GJC1: variants seen among roughly 807,000 people sequenced by gnomAD.
GJC1 encodes the protein gap junction gamma-1 protein.
In GJC1, 5 loss-of-function variants were observed where a neutral mutation model predicts 29.3. The ratio of observed to expected loss-of-function variants is 0.17; its 90% confidence interval spans 0.09 to 0.36. The LOEUF is 0.36. Among genes scored for constraint, GJC1 ranks in the 10% least tolerant of loss-of-function variants. The probability of loss-of-function intolerance (pLI) is 1.00; values close to 1 mark genes in which losing one functional copy is unlikely to be tolerated. For missense variants in GJC1, 310 were observed against 496.2 expected (o/e 0.62, Z 3.56); for synonymous variants, 177 against 183.3 (o/e 0.97, Z 0.28).
At chr17:44,818,398 A>G (rs1188905602) in intron 1 of GJC1, among the ~76,000 whole-genome samples, 1 of 152,112 alleles carries the variant, frequency 6.6e-6, no homozygotes, top group East Asian at 1.9e-4. Flanking sequence ...TTATTTATTT[A>G]AGGAGGACAA....
At chr17:44,817,206 C>CA (rs994025106) in intron 1 of GJC1, among the ~76,000 whole-genome samples, 50 of 151,118 alleles carry the variant, frequency 3.3e-4, no homozygotes, top group African/African-American at 1.0e-3. Flanking sequence ...AAGTCTGTCT[C>CA]AAAAAAAACC....
rs750100569 is a variant in GJC1, at chr17:44,803,334, T to A, written c.*1293A>T. 1 of 152,098 alleles carries A rather than the reference T, an allele frequency of 6.6e-6. No individual in the cohort carries two copies. Among genetic ancestry groups the A allele is most frequent in the Non-Finnish European group, 1.5e-5 (1 of 68,008 alleles). The allele number at this position is 152,098 out of a possible 1,614,324, so 9.4% of individuals were successfully genotyped here. A position where few individuals can be genotyped will look rare whatever the true frequency, so the allele number is the denominator to read the frequency against. ...GATGAGAAAGCAAAGCTCTCCAACATAAGGCTGAAAATGACAATAAAAGAC... is the reference window on the plus strand; with the variant it reads ...GATGAGAAAGCAAAGCTCTCCAACAAAAGGCTGAAAATGACAATAAAAGAC... On this transcript the variant is annotated 3_prime_UTR_variant, in exon 3 of 3. Transcript: ENST00000592524.
rs760392753 is a variant in GJC1 at position 44,805,488 on chromosome 17, C to T, written c.330G>A (p.Lys110=). 7 of 1,614,064 alleles carry T rather than the reference C, an allele frequency of 4.3e-6. No homozygotes were observed. The highest frequency in any genetic ancestry group is 5.9e-6 in the Non-Finnish European group (7 of 1,180,052). ...TTGCATAGGGCTTGCTCCGAGCTGC[C>T]TTCTTGTCTGCTTCACCGTGCTCCA... ...AKMEHGEADK[K]AARSKPYAMR... Residue 110 remains lysine (K), a synonymous_variant, in exon 3 of 3, where the codon AAG becomes AAA. Transcript: ENST00000592524. The surrounding 1 kb of genome is among the most constrained non-coding windows in gnomAD (Gnocchi z 5.1).
Position 44,813,758 on chromosome 17 carries a change from G to A in GJC1, c.-96-6289C>T, listed in dbSNP as rs538211906. On this transcript the variant is annotated intron_variant, in intron 1 of 2. Transcript: ENST00000592524. ...TCTGCTCACCTCGGCCTCCCAAAGT[G>A]CTAAGATTACAGGCGTGAGTCACCA... 2.6e-5 allele frequency among the ~76,000 whole-genome samples: 4 copies of A among 152,184 alleles called. No homozygotes were observed. In the South Asian group the frequency reaches 8.3e-4, roughly 32 times the overall value.
chr17:44,795,537 A>C (rs2049778176), downstream of GJC1, among the ~76,000 whole-genome samples: 1 of 152,208 alleles, frequency 6.6e-6, no homozygotes, highest in Non-Finnish European at 1.5e-5. Context: ...CCGGCCACTA[A>C]ATCCATTATT....
upstream of GJC1, among the ~76,000 whole-genome samples, chr17:44,831,027 C>T (rs186417924): frequency 2.0e-4 from 30 of 152,260 alleles, no homozygotes; most frequent in African/African-American, 7.2e-4. Context: ...AAGGAAGGCT[C>T]AGTAAAGAGA....
chr17:44,812,651 CT>C (rs1009889819), intron 1 of GJC1, among the ~76,000 whole-genome samples: 93 of 145,614 alleles, frequency 6.4e-4, no homozygotes, highest in Middle Eastern at 3.7e-3. Flanking sequence ...TAAAAATGAA[CT>C]TTTTTTTTTT....
In GJC1 at chr17:44,821,728, AC is replaced by A. The variant is rs2050110670; in HGVS notation, c.-97+8333del. 1.7e-3 allele frequency among the ~76,000 whole-genome samples: 235 copies of A among 138,118 alleles called. 8 individuals carry two copies. The highest frequency in any genetic ancestry group is 5.2e-3 in the African/African-American group (187 of 35,732). The allele number at this position is 138,118 out of a possible 152,430, so 90.6% of individuals were successfully genotyped here. On this transcript the variant is annotated intron_variant, in intron 1 of 2. Coordinates refer to ENST00000592524, the MANE Select transcript of GJC1 (RefSeq NM_005497.4). ...AAAAAAAAAAAAAAAAAAAAAAACA[AC>A]AAAAAAACACCAACACCCATACCAT...
At chr17:44,811,082 T>A (rs2145320900) in intron 1 of GJC1, among the ~76,000 whole-genome samples, 2 of 151,822 alleles carry the variant, frequency 1.3e-5, no homozygotes, top group East Asian at 3.9e-4. Flanking sequence ...ATAATTTCTT[T>A]CTTTTTTTTT....
At chr17:44,820,146 G>A (rs958784952) in intron 1 of GJC1, among the ~76,000 whole-genome samples, 2 of 152,014 alleles carry the variant, frequency 1.3e-5, no homozygotes, top group Admixed American at 1.3e-4. Context: ...ATTTTTAGTA[G>A]AAACAGGGTT....
At chr17:44,823,716 C>CTTT (rs138768045) in intron 1 of GJC1, among the ~76,000 whole-genome samples, 1 of 143,222 alleles carries the variant, frequency 7.0e-6, no homozygotes. Context: ...CTTTCCTTTC[C>CTTT]TTTTTTTTTT....
Position 44,802,437 on chromosome 17 carries a change from GC to G in GJC1, c.*2189del, listed in dbSNP as rs1282799335. 1 of 152,162 alleles carries G rather than the reference GC, an allele frequency of 6.6e-6. No homozygotes were observed. Among genetic ancestry groups the G allele is most frequent in the Non-Finnish European group, 1.5e-5 (1 of 68,028 alleles). The allele number at this position is 152,162 out of a possible 1,614,324, so 9.4% of individuals were successfully genotyped here. A position where few individuals can be genotyped will look rare whatever the true frequency, so the allele number is the denominator to read the frequency against. On this transcript the variant is annotated 3_prime_UTR_variant, in exon 3 of 3. Transcript: ENST00000592524. ...AATTAACTGGTAGTTCTTTATCTTA[GC>G]TAGGCTTATGTATTCCAAATTTTGC... is the stretch of plus-strand genomic sequence containing the variant.
At chr17:44,806,777 T>C (rs2049918689) in intron 2 of GJC1, among the ~76,000 whole-genome samples, 1 of 152,034 alleles carries the variant, frequency 6.6e-6, no homozygotes, top group African/African-American at 2.4e-5. Flanking sequence ...GGTATAGTTA[T>C]TCGGTCCAAT....
intron 1 of GJC1, among the ~76,000 whole-genome samples, chr17:44,818,508 TAAAA>T (rs11335815): frequency 1.4e-5 from 2 of 144,204 alleles, no homozygotes; most frequent in Non-Finnish European, 1.5e-5. Context: ...AGTCTCATGT[TAAAA>T]AAAAAAAAAA....
chr17:44,809,759 G>A (rs2049952873), intron 1 of GJC1, among the ~76,000 whole-genome samples: 2 of 151,754 alleles, frequency 1.3e-5, no homozygotes, highest in Non-Finnish European at 2.9e-5. Context: ...TAGTAGAGAC[G>A]GGGTTTCTCC....
chr17:44,811,904 G>A (rs1290039552), intron 1 of GJC1, among the ~76,000 whole-genome samples: 1 of 152,002 alleles, frequency 6.6e-6, no homozygotes, highest in Non-Finnish European at 1.5e-5. Context: ...TTGGGAGGCT[G>A]AGGCAGGAGA....
Position 44,804,484 on chromosome 17 carries a change from CCA to C in GJC1, c.*141_*142del. On this transcript the variant is annotated 3_prime_UTR_variant, in exon 3 of 3. Coordinates refer to ENST00000592524, the MANE Select transcript of GJC1 (RefSeq NM_005497.4). ...TCTCTCCCTCAGCCCAGCCCCGCCTCCAGAGTCCCCTGAGCTTGGATCATGAG... is the reference window on the plus strand; with the variant it reads ...TCTCTCCCTCAGCCCAGCCCCGCCTCGAGTCCCCTGAGCTTGGATCATGAG... 1.5e-6 allele frequency: 1 copy of C among 666,538 alleles called. No homozygotes were observed. The highest frequency in any genetic ancestry group is 2.6e-6 in the Non-Finnish European group (1 of 387,648). The allele number at this position is 666,538 out of a possible 1,614,324, so 41.3% of individuals were successfully genotyped here.
At chr17:44,798,390 C>G (rs1348308930), downstream of GJC1, 3 of 152,108 alleles carry the variant, frequency 2.0e-5, no homozygotes, top group Non-Finnish European at 4.4e-5. Flanking sequence ...TATGACATTA[C>G]CTGGCAGCTG....
chr17:44,805,116 T>G lies in GJC1; in HGVS notation c.702A>C (p.Ile234=). The G allele has an allele frequency of 6.2e-7, 1 of 1,614,034 alleles. No homozygotes were observed. Among genetic ancestry groups the G allele is most frequent in the Non-Finnish European group, 8.5e-7 (1 of 1,179,932 alleles). ...RPTEKTIFLL[I]MYGVTGLCLL... ...GGCAAAGGCCTGTAACACCATACAT[T>G]ATCAGAAGGAAGATGGTCTTTTCAG... Residue 234 remains isoleucine (I), a synonymous_variant, in exon 3 of 3, where the codon ATA becomes ATC. Coordinates refer to ENST00000592524, the MANE Select transcript of GJC1 (RefSeq NM_005497.4). This position sits in a 1 kb window ranked among gnomAD's most constrained non-coding sequence, Gnocchi z 5.1.
Sources: gnomAD v4.1 joint callset for allele counts (sites outside exome capture counted in the v4.1 genomes callset) on GRCh38, gnomAD v4.1.1 for gene constraint, Gnocchi (gnomAD v3.1) non-coding constraint, MANE v1.5 for transcripts, NCBI Gene and HGNC (gene_info 2026-07-23, HGNC 2026-07-21) for gene names.